Variants in FKBP14 observed in about 807,000 individuals in gnomAD.
FKBP14 encodes the protein FKBP prolyl isomerase 14, also known as peptidyl-prolyl cis-trans isomerase FKBP14.
FKBP14 carries 20 observed loss-of-function variants against 21.6 expected under a neutral mutation model. The ratio of observed to expected loss-of-function variants is 0.92; its 90% confidence interval spans 0.65 to 1.34. FKBP14 has a LOEUF of 1.34. FKBP14 is among the 40% of genes most tolerant of loss of function. The pLI is 0.00. For synonymous variants in FKBP14, 79 were observed against 86.7 expected (o/e 0.91, Z 0.49); for missense variants, 253 against 249.0 (o/e 1.02, Z -0.11).
At position 30,019,083 on chromosome 7, in the gene FKBP14, A is replaced by C; in HGVS notation, c.390T>G (p.Asp130Glu). The C allele has an allele frequency of 6.3e-7, 1 of 1,590,224 alleles. No individual in the cohort carries two copies. The highest frequency in any genetic ancestry group is 1.4e-5 in the African/African-American group (1 of 73,226). Residue 130 changes from aspartate (D) to glutamate (E), a missense_variant, in exon 3 of 4, where the codon GAT (aspartate) becomes GAG (glutamate). Coordinates refer to ENST00000222803, the MANE Select transcript of FKBP14 (RefSeq NM_017946.4). ...PPESTLIFNI[D>E]LLEIRNGPRS... The stretch of plus-strand genomic sequence containing the variant: ...TTGGTCCATTTCGAATCTCCAGGAG[A>C]TCAATATTAAATATCAGTGTACTTT...
chr7:30,005,923 T>C (rs1460403345), downstream of FKBP14, among the ~76,000 whole-genome samples: 1 of 152,064 alleles, frequency 6.6e-6, no homozygotes, highest in Non-Finnish European at 1.5e-5. Context: ...AGACACCAAA[T>C]GCACAAAAAG....
chr7:30,025,618 GA>G (rs1473435900), intron 1 of FKBP14: 3 of 152,188 alleles, frequency 2.0e-5, no homozygotes, highest in Non-Finnish European at 2.9e-5. Context: ...ATGCCTAATT[GA>G]AAATCATTAG....
Position 30,022,796 on chromosome 7 carries a change from T to C in FKBP14, c.218A>G (p.Gln73Arg). ...GATGCCCAGGGTAAACCAAATGGGCTGACCATTGTTATGTTTGTGACTATG... is the reference window on the plus strand; with the variant it reads ...GATGCCCAGGGTAAACCAAATGGGCCGACCATTGTTATGTTTGTGACTATG... ...FHSTHKHNNG[Q>R]PIWFTLGILE... Residue 73 changes from glutamine (Q) to arginine (R), a missense_variant, in exon 2 of 4, where the codon CAG (glutamine) becomes CGG (arginine). Physicochemically the swap from Gln to Arg is conservative, Grantham distance 43 (BLOSUM62 1). Coordinates refer to ENST00000222803, the MANE Select transcript of FKBP14 (RefSeq NM_017946.4). 1 of 1,613,808 alleles carries C rather than the reference T, an allele frequency of 6.2e-7. No homozygotes were observed. The highest frequency in any genetic ancestry group is 8.5e-7 in the Non-Finnish European group (1 of 1,179,930).
chr7:30,007,743 C>G (rs1789642074), downstream of FKBP14, among the ~76,000 whole-genome samples: 1 of 152,154 alleles, frequency 6.6e-6, no homozygotes, highest in Non-Finnish European at 1.5e-5. Context: ...GGGTCACCAG[C>G]AAGCATGTTA....
intron 2 of FKBP14, 140 bp downstream of exon 2, chr7:30,022,525 A>T (rs1256729184): frequency 9.0e-6 from 7 of 779,744 alleles, no homozygotes; most frequent in Non-Finnish European, 2.0e-6. Context: ...TACTCAAGAC[A>T]TAATACAGTT....
downstream of FKBP14, among the ~76,000 whole-genome samples, chr7:30,006,800 A>G (rs1387669818): frequency 6.6e-6 from 1 of 152,206 alleles, no homozygotes; most frequent in Non-Finnish European, 1.5e-5. Flanking sequence ...CCACTGACCT[A>G]GTGACTATCT....
chr7:30,025,071 C>T (rs902018229), intron 1 of FKBP14, among the ~76,000 whole-genome samples: 1 of 152,146 alleles, frequency 6.6e-6, no homozygotes, highest in African/African-American at 2.4e-5. Context: ...CATTCATTTC[C>T]CCAACCCTCA....
Position 30,026,451 on chromosome 7 carries a change from C to T in FKBP14, c.58G>A (p.Ala20Thr). 1 of 1,614,072 alleles carries T rather than the reference C, an allele frequency of 6.2e-7. No individual in the cohort carries two copies. Among genetic ancestry groups the T allele is most frequent in the Non-Finnish European group, 8.5e-7 (1 of 1,179,978 alleles). ...TTCACTTCTGGTTCAGGGATCAAAG[C>T]CCCAATCAAAGAAGTGACGAACAGA... ...LTLFVTSLIG[A>T]LIPEPEVKIE... Residue 20 changes from alanine to threonine, a missense_variant, in exon 1 of 4, where the codon GCT becomes ACT. By Grantham distance (58) the Ala-to-Thr change is moderately conservative (BLOSUM62 0). Coordinates refer to ENST00000222803, the MANE Select transcript of FKBP14 (RefSeq NM_017946.4).
intron 3 of FKBP14, among the ~76,000 whole-genome samples, chr7:30,018,359 C>T (rs555589175): frequency 2.6e-5 from 4 of 152,254 alleles, no homozygotes; most frequent in African/African-American, 7.2e-5. Flanking sequence ...CTTCTTTCCC[C>T]GCAGCAGCCA....
downstream of FKBP14, among the ~76,000 whole-genome samples, chr7:30,008,690 AAG>A (rs1491122915): frequency 6.6e-6 from 1 of 150,950 alleles, no homozygotes; most frequent in Non-Finnish European, 1.5e-5. Flanking sequence ...AAAAAAAAAA[AAG>A]CCGGCCAGGT....
intron 3 of FKBP14, 75 bp from the exon 4 acceptor site, chr7:30,014,968 TG>T: frequency 1.1e-6 from 1 of 929,354 alleles, no homozygotes; most frequent in Non-Finnish European, 1.6e-6. Flanking sequence ...ATCACAGACA[TG>T]GACTGTTATT....
intron 3 of FKBP14, 79 bp from the exon 4 acceptor site, chr7:30,014,972 C>G (rs1789842090): frequency 4.5e-6 from 4 of 898,350 alleles, no homozygotes; most frequent in African/African-American, 3.4e-5. Flanking sequence ...CAGACATGGA[C>G]TGTTATTATA....
intron 3 of FKBP14, among the ~76,000 whole-genome samples, chr7:30,017,970 T>A (rs556921695): frequency 4.7e-4 from 71 of 151,976 alleles, no homozygotes; most frequent in African/African-American, 1.7e-3. Flanking sequence ...CACTCCAGGC[T>A]GGGCAACAGA....
rs1789831267 is a variant in FKBP14 at position 30,014,683 on chromosome 7, T to G, written c.*52A>C. On this transcript the variant is annotated 3_prime_UTR_variant, in exon 4 of 4. Transcript: ENST00000222803. ...ATAAAAATAAAATGTTCTTTAAAGA[T>G]GACTGCCCTCTCTTGAAAGATGAGT... The G allele has an allele frequency of 8.6e-7, 1 of 1,156,856 alleles. No homozygotes were observed. Among genetic ancestry groups the G allele is most frequent in the African/African-American group, 1.6e-5 (1 of 63,368 alleles). 71.7% of individuals were successfully genotyped at this position (1,156,856 alleles called of 1,614,324 possible).
In FKBP14 at chr7:30,013,184, A is replaced by G. The variant is rs1345169322; in HGVS notation, c.*1551T>C. 2.6e-4 allele frequency: 40 copies of G among 152,044 alleles called. 1 individual carries two copies. The highest frequency in any genetic ancestry group is 2.6e-3 in the Admixed American group (39 of 15,262). 9.4% of individuals were successfully genotyped at this position (152,044 alleles called of 1,614,324 possible). A position where few individuals can be genotyped will look rare whatever the true frequency, so the allele number is the denominator to read the frequency against. ...ATAAAAGCCAATTTAAAATAAAATTATATATATTTTTTTCTTTTTTAAAAT... is the reference window on the plus strand; with the variant it reads ...ATAAAAGCCAATTTAAAATAAAATTGTATATATTTTTTTCTTTTTTAAAAT... On this transcript the variant is annotated 3_prime_UTR_variant, in exon 4 of 4. Transcript: ENST00000222803.
chr7:30,016,823 C>T (rs1220509864), intron 3 of FKBP14, among the ~76,000 whole-genome samples: 2 of 152,074 alleles, frequency 1.3e-5, no homozygotes, highest in Admixed American at 1.3e-4. Context: ...TCTGTTTAGA[C>T]CAGCAATTTC....
At chr7:30,020,166 A>T in intron 2 of FKBP14, 2 of 988,110 alleles carry the variant, frequency 2.0e-6, no homozygotes, top group Non-Finnish European at 2.6e-6. Context: ...ATGAAAGAAC[A>T]TTCATAAATT....
Position 30,010,649 on chromosome 7 carries a change from A to G in FKBP14, c.*4086T>C, listed in dbSNP as rs368207102. ...ACAATATAGTCATGTAAATTTAAATATGGCACACTGAGCAGTATTGACGCA... is the reference window on the plus strand; with the variant it reads ...ACAATATAGTCATGTAAATTTAAATGTGGCACACTGAGCAGTATTGACGCA... On this transcript the variant is annotated 3_prime_UTR_variant, in exon 4 of 4. Transcript: ENST00000222803. 6.6e-6 allele frequency: 1 copy of G among 152,238 alleles called. No individual in the cohort carries two copies. Among genetic ancestry groups the G allele is most frequent in the Non-Finnish European group, 1.5e-5 (1 of 68,046 alleles). The allele number at this position is 152,238 out of a possible 1,614,324, so 9.4% of individuals were successfully genotyped here.
intron 1 of FKBP14, 80 bp downstream of exon 1, chr7:30,026,232 G>C: frequency 7.3e-7 from 1 of 1,364,666 alleles, no homozygotes; most frequent in Non-Finnish European, 1.0e-6. Flanking sequence ...ACCAGGTACA[G>C]GCCACCTTTC....
Sources: allele counts gnomAD v4.1 joint callset (sites outside exome capture counted in the v4.1 genomes callset), GRCh38; gene constraint gnomAD v4.1.1; transcripts MANE v1.5; gene names NCBI Gene and HGNC (gene_info 2026-07-23, HGNC 2026-07-21).